Variants in CRKL observed in about 807,000 individuals in gnomAD.
CRKL encodes the protein crk-like protein.
A neutral mutation model predicts 23.0 loss-of-function variants in CRKL; 3 were observed. That is an observed-to-expected ratio of 0.13 (90% CI 0.06 to 0.34). CRKL has a LOEUF of 0.34. Among genes scored for constraint, CRKL ranks in the 10% least tolerant of loss-of-function variants. CRKL has a pLI of 1.00. For missense variants in CRKL, 256 were observed against 394.5 expected (o/e 0.65, Z 2.97); for synonymous variants, 188 against 160.7 (o/e 1.17, Z -1.28).
chr22:20,949,919 C>G lies in CRKL; in HGVS notation c.*74C>G. ...CTCCTTTGAAGTGGGAAAGCATTTT[C>G]TCTCATAGGCAAGTCACACTGCATT... On this transcript the variant is annotated 3_prime_UTR_variant, in exon 3 of 3. Transcript: ENST00000354336. The G allele has an allele frequency of 6.5e-7, 1 of 1,528,042 alleles. No homozygotes were observed. The highest frequency in any genetic ancestry group is 8.8e-7 in the Non-Finnish European group (1 of 1,142,152). 94.7% of individuals were successfully genotyped at this position (1,528,042 alleles called of 1,614,324 possible). A position where few individuals can be genotyped will look rare whatever the true frequency, so the allele number is the denominator to read the frequency against.
rs567104953 is a variant in CRKL at position 20,938,249 on chromosome 22, A to AT, written c.777+4013dup. Among the ~76,000 whole-genome samples the AT allele has an allele frequency of 1.4e-4, 21 of 152,162 alleles. No homozygotes were observed. In the South Asian group the frequency reaches 3.5e-3, roughly 26 times the overall value. On this transcript the variant is annotated intron_variant, in intron 2 of 2. Coordinates refer to ENST00000354336, the MANE Select transcript of CRKL (RefSeq NM_005207.4). ...ACTTTATTCCTTAAATTATTTTACA[A>AT]TTTTTTTTAATCTTGATTTTCAAAA...
At chr22:20,930,191 A>C (rs1921388063) in intron 1 of CRKL, among the ~76,000 whole-genome samples, 1 of 152,154 alleles carries the variant, frequency 6.6e-6, no homozygotes, top group South Asian at 2.1e-4. Context: ...GGAAGCAAGG[A>C]AGTTGAAAAG....
rs2147905280 is a variant in CRKL, at chr22:20,934,024, C to T, written c.557C>T (p.Pro186Leu). Residue 186 changes from proline (P) to leucine (L), a missense_variant, in exon 2 of 3, where the codon CCA (proline) becomes CTA (leucine). Pro to Leu is a moderately conservative substitution (Grantham distance 98). Coordinates refer to ENST00000354336, the MANE Select transcript of CRKL (RefSeq NM_005207.4). ...PYVEKLVRSS[P>L]HGKHGNRNSN... ...GTCGAAAAGCTTGTGAGATCCTCAC[C>T]ACACGGAAAGCATGGAAATAGGAAT... 1 of 1,614,128 alleles carries T rather than the reference C, an allele frequency of 6.2e-7. No homozygotes were observed. Among genetic ancestry groups the T allele is most frequent in the Non-Finnish European group, 8.5e-7 (1 of 1,180,026 alleles).
At chr22:20,932,049 G>C (rs1213504282) in intron 1 of CRKL, among the ~76,000 whole-genome samples, 2 of 151,886 alleles carry the variant, frequency 1.3e-5, no homozygotes, top group African/African-American at 2.4e-5. Flanking sequence ...CTGACCTCAT[G>C]ATCCGCCCAC....
intron 1 of CRKL, among the ~76,000 whole-genome samples, chr22:20,931,791 ATTTATT>A (rs1217551744): frequency 6.6e-6 from 1 of 152,056 alleles, no homozygotes; most frequent in Admixed American, 6.6e-5. Context: ...CTTGCTAGCT[ATTTATT>A]TTTATTTTTA....
intron 2 of CRKL, among the ~76,000 whole-genome samples, chr22:20,947,675 C>CCTT (rs1491297940): frequency 1.2e-5 from 1 of 86,010 alleles, no homozygotes; most frequent in African/African-American, 4.6e-5. Context: ...TTCTTTTTTT[C>CCTT]ATTTTTTTTT....
intron 2 of CRKL, among the ~76,000 whole-genome samples, chr22:20,941,454 C>T (rs1921864415): frequency 6.7e-6 from 1 of 148,786 alleles, no homozygotes; most frequent in African/African-American, 2.5e-5. Flanking sequence ...ATGTAGGAAT[C>T]TTTAGAAAGT....
At chr22:20,929,186 T>G (rs557685834) in intron 1 of CRKL, among the ~76,000 whole-genome samples, 72 of 152,134 alleles carry the variant, frequency 4.7e-4, no homozygotes, top group African/African-American at 1.7e-3. Flanking sequence ...TATTTTTGAG[T>G]CGGAGTCTCA....
At chr22:20,930,680 CTTTTTTTTTTT>C (rs151090592) in intron 1 of CRKL, among the ~76,000 whole-genome samples, 22 of 48,018 alleles carry the variant, frequency 4.6e-4, no homozygotes, top group Non-Finnish European at 6.7e-4. Flanking sequence ...ACACGCCTGG[CTTTTTTTTTTT>C]TTTTTTTTTT....
At chr22:20,920,491 T>A (rs1359491946) in intron 1 of CRKL, among the ~76,000 whole-genome samples, 2 of 149,694 alleles carry the variant, frequency 1.3e-5, no homozygotes, top group Non-Finnish European at 1.5e-5. Context: ...AGAGTGAGAC[T>A]CTGTCTCAAA....
Position 20,917,877 on chromosome 22 carries a change from G to A in CRKL, c.-58G>A, listed in dbSNP as rs1929747913. The A allele has an allele frequency of 6.5e-6, 10 of 1,542,638 alleles. No individual in the cohort carries two copies. The South Asian group carries it at 9.6e-5, about 15-fold the overall frequency. Reference sequence around the variant, plus strand: ...AAAGCCGTCTGCCGGGCTAAGGCGTGCAGAGCAGGCGAGGACAGCCGCCGC... The same window carrying A: ...AAAGCCGTCTGCCGGGCTAAGGCGTACAGAGCAGGCGAGGACAGCCGCCGC... On this transcript the variant is annotated 5_prime_UTR_variant, in exon 1 of 3. Coordinates refer to ENST00000354336, the MANE Select transcript of CRKL (RefSeq NM_005207.4).
At chr22:20,943,463 C>T (rs1021394723) in intron 2 of CRKL, among the ~76,000 whole-genome samples, 3 of 152,068 alleles carry the variant, frequency 2.0e-5, no homozygotes, top group African/African-American at 7.2e-5. Flanking sequence ...CTCTTCTGGA[C>T]TCCTAAAGTG....
In CRKL at chr22:20,918,015, G is replaced by A. The variant is rs1415891678; in HGVS notation, c.81G>A (p.Arg27=). Residue 27 remains arginine (R), a synonymous_variant, in exon 1 of 3, where the codon CGG becomes CGA. Transcript: ENST00000354336. ...GPVSRQEAQT[R]LQGQRHGMFL... ...TGTCTCGCCAGGAGGCGCAGACCCG[G>A]CTCCAGGGCCAGCGCCACGGTATGT... The A allele has an allele frequency of 1.2e-6, 2 of 1,614,092 alleles. No individual in the cohort carries two copies. The highest frequency in any genetic ancestry group is 1.7e-5 in the Admixed American group (1 of 60,002).
chr22:20,918,192 G>A lies in CRKL; in HGVS notation c.258G>A (p.Glu86=). 1 of 1,614,138 alleles carries A rather than the reference G, an allele frequency of 6.2e-7. No homozygotes were observed. The highest frequency in any genetic ancestry group is 1.3e-5 in the African/African-American group (1 of 75,034). Residue 86 remains glutamate (E), a synonymous_variant, in exon 1 of 3, where the codon GAG becomes GAA. Transcript: ENST00000354336. ...QEFDHLPALL[E]FYKIHYLDTT... ...TTGACCATTTGCCGGCCCTGCTGGA[G>A]TTTTACAAGATCCACTACCTGGACA...
At chr22:20,939,578 T>G (rs1450042765) in intron 2 of CRKL, among the ~76,000 whole-genome samples, 1 of 151,502 alleles carries the variant, frequency 6.6e-6, no homozygotes, top group Non-Finnish European at 1.5e-5. Flanking sequence ...CTGTCTCATG[T>G]TGTATGGCTG....
In CRKL at chr22:20,933,769, CT is replaced by C; in HGVS notation, c.312-9del. 6.3e-7 allele frequency: 1 copy of C among 1,583,610 alleles called. No homozygotes were observed. Among genetic ancestry groups the C allele is most frequent in the Non-Finnish European group, 8.6e-7 (1 of 1,164,132 alleles). ...TTTTTCTCTTAGAGTAATTTTCTTT[CT>C]CTCTTAAGGTATCCAAGCCCACCAA... On this transcript the variant is annotated splice_polypyrimidine_tract_variant and intron_variant, in intron 1 of 2. Transcript: ENST00000354336.
At chr22:20,943,590 T>C (rs1921953124) in intron 2 of CRKL, among the ~76,000 whole-genome samples, 1 of 152,182 alleles carries the variant, frequency 6.6e-6, no homozygotes, top group South Asian at 2.1e-4. Context: ...TTTTTGTGTA[T>C]AGTGTGAGGT....
intron 2 of CRKL, among the ~76,000 whole-genome samples, chr22:20,941,578 G>GACA (rs1921880195): frequency 5.1e-5 from 2 of 38,984 alleles, no homozygotes; most frequent in East Asian, 1.3e-3. Context: ...GTGTGTGTGT[G>GACA]TATATATATA....
Position 20,918,235 on chromosome 22 carries a change from C to T in CRKL, c.301C>T (p.Pro101Ser), listed in dbSNP as rs2147892110. 5 of 1,613,728 alleles carry T rather than the reference C, an allele frequency of 3.1e-6. No homozygotes were observed. Among genetic ancestry groups the T allele is most frequent in the Non-Finnish European group, 4.2e-6 (5 of 1,179,914 alleles). ...HYLDTTTLIE[P>S]APRYPSPPMG... The stretch of plus-strand genomic sequence containing the variant: ...CCTGGACACCACCACCCTCATCGAG[C>T]CTGCGCCCAGGTACGCGAGAGCCCT... The change falls in exon 1 of 3, where the codon CCT becomes TCT. Residue 101 changes from proline to serine, a missense_variant. By Grantham distance (74) the Pro-to-Ser change is moderately conservative. Coordinates refer to ENST00000354336, the MANE Select transcript of CRKL (RefSeq NM_005207.4).
Sources: allele counts gnomAD v4.1 joint callset (sites outside exome capture counted in the v4.1 genomes callset), GRCh38; gene constraint gnomAD v4.1.1; transcripts MANE v1.5; gene names NCBI Gene and HGNC (gene_info 2026-07-23, HGNC 2026-07-21).